Variants in MARCHF11 observed in about 807,000 individuals in gnomAD.
MARCHF11 encodes E3 ubiquitin-protein ligase MARCHF11.
MARCHF11 carries 29 observed loss-of-function variants against 37.3 expected under a neutral mutation model. That is an observed-to-expected ratio of 0.78 (90% CI 0.58 to 1.06). MARCHF11 has a LOEUF of 1.06. MARCHF11 is among the 50% of genes least tolerant of loss of function. The pLI, the probability that MARCHF11 is intolerant of heterozygous loss-of-function variation, is 0.00. For missense variants in MARCHF11, 482 were observed against 533.4 expected, an observed-to-expected ratio of 0.90 and a Z score of 0.95; for synonymous variants, 233 against 228.0, an observed-to-expected ratio of 1.02 and a Z score of -0.20.
intron 2 of MARCHF11, among the ~76,000 whole-genome samples, chr5:16,117,729 A>C (rs1170864184): frequency 6.6e-6 from 1 of 152,252 alleles, no homozygotes; most frequent in African/African-American, 2.4e-5. Flanking sequence ...TCTCAAAAAA[A>C]GGCAAAAACA....
In MARCHF11 at chr5:16,155,151, G is replaced by C. The variant is rs187083327; in HGVS notation, c.693+22575C>G. On this transcript the variant is annotated intron_variant, in intron 2 of 3. Coordinates refer to ENST00000332432, the MANE Select transcript of MARCHF11 (RefSeq NM_001102562.3). ...TAATGCATTGGTTAAAAAAAGTAGA[G>C]AGCCATACACACTAACTACTAGACT... 7.3e-3 allele frequency among the ~76,000 whole-genome samples: 1,106 copies of C among 151,882 alleles called. 14 individuals are homozygous for C. Among genetic ancestry groups the C allele is most frequent in the Non-Finnish European group, 0.011 (737 of 67,870 alleles).
chr5:16,142,450 A>T (rs117149961), intron 2 of MARCHF11, among the ~76,000 whole-genome samples: 2 of 152,298 alleles, frequency 1.3e-5, no homozygotes, highest in East Asian at 3.9e-4. Context: ...CCAAGTAGAC[A>T]GCTCGCAGGG....
intron 2 of MARCHF11, among the ~76,000 whole-genome samples, chr5:16,097,415 TAAGA>T (rs1408956977): frequency 6.6e-6 from 1 of 152,168 alleles, no homozygotes; most frequent in African/African-American, 2.4e-5. Context: ...TTGCTTTGCC[TAAGA>T]AAGAGGAAAT....
At chr5:16,110,318 T>C (rs1035659705) in intron 2 of MARCHF11, among the ~76,000 whole-genome samples, 2 of 152,182 alleles carry the variant, frequency 1.3e-5, no homozygotes, top group East Asian at 1.9e-4. Context: ...TGAGACATCA[T>C]GTAGTGTCTA....
chr5:16,109,211 C>T (rs1463781656), intron 2 of MARCHF11, among the ~76,000 whole-genome samples: 1 of 151,932 alleles, frequency 6.6e-6, no homozygotes, highest in Non-Finnish European at 1.5e-5. Flanking sequence ...TGCTAAATGT[C>T]TTCTGTACAC....
rs144080355 is a variant in MARCHF11 at position 16,068,966 on chromosome 5, A to C, written c.887-1173T>G. ...AAATGAGCAGATCCCACCTTTTAGC[A>C]GTTAGACCTTTGGGTATATGCCCTA... On this transcript the variant is annotated intron_variant, in intron 3 of 3. Coordinates refer to ENST00000332432, the MANE Select transcript of MARCHF11 (RefSeq NM_001102562.3). 2.8e-3 allele frequency among the ~76,000 whole-genome samples: 427 copies of C among 152,380 alleles called. 5 individuals are homozygous for C. The highest frequency in any genetic ancestry group is 9.3e-3 in the African/African-American group (385 of 41,596).
In MARCHF11 at chr5:16,104,099, C is replaced by T. The variant is rs988472307; in HGVS notation, c.694-13018G>A. Among the ~76,000 whole-genome samples, 7 of 152,304 alleles carry T rather than the reference C, an allele frequency of 4.6e-5. No homozygotes were observed. In the East Asian group the frequency reaches 9.7e-4, roughly 21 times the overall value. ...AGGCCAAAGTTCAGAAAACCAGAGA[C>T]TTCGTGTATCACCAACTCAACTGAG... On this transcript the variant is annotated intron_variant, in intron 2 of 3. Transcript: ENST00000332432.
chr5:16,081,930 T>C (rs1736616136), intron 3 of MARCHF11, among the ~76,000 whole-genome samples: 2 of 152,196 alleles, frequency 1.3e-5, no homozygotes, highest in African/African-American at 4.8e-5. Flanking sequence ...CCTTCTATGC[T>C]ATTTCCCAGG....
At chr5:16,155,064 ACTAT>A (rs1737946961) in intron 2 of MARCHF11, among the ~76,000 whole-genome samples, 1 of 151,904 alleles carries the variant, frequency 6.6e-6, no homozygotes, top group African/African-American at 2.4e-5. Flanking sequence ...AAAATGAGAA[ACTAT>A]CTAATGTTCC....
intron 3 of MARCHF11, among the ~76,000 whole-genome samples, chr5:16,086,959 CCTTT>C (rs1736711231): frequency 6.6e-6 from 1 of 152,304 alleles, no homozygotes; most frequent in African/African-American, 2.4e-5. Context: ...TGCTCATCTT[CCTTT>C]GTCCACTGTG....
At chr5:16,167,915 A>ACC in intron 2 of MARCHF11, among the ~76,000 whole-genome samples, 1 of 152,186 alleles carries the variant, frequency 6.6e-6, no homozygotes, top group African/African-American at 2.4e-5. Context: ...ATTAAAAAGT[A>ACC]ACAATTTCTA....
At position 16,085,939 on chromosome 5, in the gene MARCHF11, C is replaced by CAAAAAAAAAAAAAA. The variant is rs56782867; in HGVS notation, c.886+4936_886+4949dup. Among the ~76,000 whole-genome samples, 28 of 40,974 alleles carry CAAAAAAAAAAAAAA rather than the reference C, an allele frequency of 6.8e-4. 4 individuals are homozygous for CAAAAAAAAAAAAAA. Among genetic ancestry groups the CAAAAAAAAAAAAAA allele is most frequent in the Non-Finnish European group, 8.4e-4 (18 of 21,444 alleles). The allele number at this position is 40,974 out of a possible 152,430, so 26.9% of individuals were successfully genotyped here. ...TGGGCGAAAGAGCAAGACTCCATCT[C>CAAAAAAAAAAAAAA]AAAAAAAAAAAAAAAAAAAAAAAAA... On this transcript the variant is annotated intron_variant, in intron 3 of 3. Coordinates refer to ENST00000332432, the MANE Select transcript of MARCHF11 (RefSeq NM_001102562.3).
At chr5:16,158,071 A>G (rs1359400087) in intron 2 of MARCHF11, among the ~76,000 whole-genome samples, 1 of 151,972 alleles carries the variant, frequency 6.6e-6, no homozygotes, top group African/African-American at 2.4e-5. Context: ...CAGGCATATA[A>G]AAAATGCCCA....
intron 2 of MARCHF11, among the ~76,000 whole-genome samples, chr5:16,157,589 G>A (rs1287608879): frequency 6.6e-6 from 1 of 151,886 alleles, no homozygotes; most frequent in Non-Finnish European, 1.5e-5. Context: ...AATAGGGAAA[G>A]GACGGTCTCT....
chr5:16,089,251 TG>T (rs1373316256), intron 3 of MARCHF11, among the ~76,000 whole-genome samples: 1 of 152,118 alleles, frequency 6.6e-6, no homozygotes, highest in Non-Finnish European at 1.5e-5. Context: ...TTAATATCAA[TG>T]GAACACCTCA....
intron 2 of MARCHF11, among the ~76,000 whole-genome samples, chr5:16,132,804 A>C (rs941136663): frequency 2.0e-5 from 3 of 152,208 alleles, no homozygotes; most frequent in Admixed American, 6.6e-5. Flanking sequence ...TTCAAATGAA[A>C]AGTTAGTAGG....
chr5:16,103,876 G>A (rs1180486739), intron 2 of MARCHF11, among the ~76,000 whole-genome samples: 1 of 152,042 alleles, frequency 6.6e-6, no homozygotes, highest in Non-Finnish European at 1.5e-5. Context: ...GAAGACCAAG[G>A]GGCACCGAGG....
intron 2 of MARCHF11, among the ~76,000 whole-genome samples, chr5:16,116,832 CTT>C (rs1737234033): frequency 1.3e-5 from 2 of 152,122 alleles, no homozygotes; most frequent in African/African-American, 4.8e-5. Flanking sequence ...ATAGAAGTTG[CTT>C]TCTCTGAAAC....
intron 3 of MARCHF11, among the ~76,000 whole-genome samples, chr5:16,073,564 G>A (rs1736470447): frequency 6.7e-6 from 1 of 150,108 alleles, no homozygotes; most frequent in Admixed American, 6.7e-5. Flanking sequence ...AACTGTATAT[G>A]AACTATATAT....
Sources: gnomAD v4.1 joint callset for allele counts (sites outside exome capture counted in the v4.1 genomes callset) on GRCh38, gnomAD v4.1.1 for gene constraint, MANE v1.5 for transcripts, NCBI Gene and HGNC (gene_info 2026-07-23, HGNC 2026-07-21) for gene names.